Variants in SYNE2 observed in about 807,000 individuals in gnomAD.
SYNE2 encodes spectrin repeat containing nuclear envelope protein 2, also known as nesprin-2.
Under a neutral mutation model 856.3 loss-of-function variants are expected in SYNE2, and 431 were observed. That is an observed-to-expected ratio of 0.50 (90% CI 0.47 to 0.55). The LOEUF (loss-of-function observed/expected upper bound fraction) is 0.55, where lower values mean the gene tolerates loss of function less well. SYNE2 is among the 20% of genes least tolerant of loss of function. The pLI, the probability that SYNE2 is intolerant of heterozygous loss-of-function variation, is 0.00. For synonymous variants in SYNE2, 2,923 were observed against 2,872.3 expected (o/e 1.02, Z -0.56); for missense variants, 8,129 against 8,023.2 (o/e 1.01, Z -0.50).
At chr14:64,035,788 A>G (rs1445740961) in intron 45 of SYNE2, among the ~76,000 whole-genome samples, 2 of 151,710 alleles carry the variant, frequency 1.3e-5, no homozygotes, top group Admixed American at 1.3e-4. Flanking sequence ...TTGAGTTCCT[A>G]ACCCTAAGCC....
rs371649498 is a variant in SYNE2, at chr14:63,942,354, T to G, written c.408+211T>G. 3.5e-4 allele frequency among the ~76,000 whole-genome samples: 54 copies of G among 152,364 alleles called. No individual in the cohort carries two copies. In the East Asian group the frequency reaches 7.9e-3, roughly 22 times the overall value. On this transcript the variant is annotated intron_variant, in intron 6 of 115. Transcript: ENST00000555002. ...TTCTTTTTGAGATGGAGTCTCGCTC[T>G]GTCGGCCAGGCTGGAGTGCCGTGGC...
chr14:64,124,994 C>T, intron 70 of SYNE2, 85 bp from the exon 71 acceptor site: 1 of 1,554,852 alleles, frequency 6.4e-7, no homozygotes, highest in Non-Finnish European at 8.8e-7. Flanking sequence ...CAGAGCAAGA[C>T]TCCATCTCGA....
At chr14:63,964,602 G>A (rs367889772) in intron 10 of SYNE2, among the ~76,000 whole-genome samples, 11 of 151,932 alleles carry the variant, frequency 7.2e-5, no homozygotes, top group Non-Finnish European at 1.6e-4. Context: ...TTGGCTCACC[G>A]CAGCCGCCAC....
At chr14:64,195,520 A>G (rs1394773222) in intron 99 of SYNE2, among the ~76,000 whole-genome samples, 1 of 152,216 alleles carries the variant, frequency 6.6e-6, no homozygotes, top group Non-Finnish European at 1.5e-5. Flanking sequence ...CAGAAATATC[A>G]AATCCATAAA....
intron 6 of SYNE2, among the ~76,000 whole-genome samples, chr14:63,945,595 GTTTT>G (rs572922861): frequency 6.6e-6 from 1 of 151,996 alleles, no homozygotes. Flanking sequence ...TTTGCTGCCA[GTTTT>G]TTTATTTGTT....
intron 52 of SYNE2, among the ~76,000 whole-genome samples, chr14:64,071,312 G>T (rs2097405100): frequency 6.6e-6 from 1 of 151,838 alleles, no homozygotes; most frequent in African/African-American, 2.4e-5. Context: ...GGCTAACGTG[G>T]TGAAACCCCG....
intron 1 of SYNE2, among the ~76,000 whole-genome samples, chr14:63,812,051 C>T (rs139126923): frequency 0.06 from 9,179 of 152,092 alleles, 300 homozygotes; most frequent in Middle Eastern, 0.099. Flanking sequence ...AGCAGAGAAC[C>T]GGTCTGACCT....
intron 1 of SYNE2, among the ~76,000 whole-genome samples, chr14:63,771,297 C>A (rs1250720487): frequency 6.6e-6 from 1 of 151,814 alleles, no homozygotes; most frequent in Non-Finnish European, 1.5e-5. Flanking sequence ...GTCTCGATCT[C>A]TTGACCTCGT....
At chr14:64,190,567 C>T in intron 99 of SYNE2, 1 of 700,348 alleles carries the variant, frequency 1.4e-6, no homozygotes, top group South Asian at 1.5e-5. Flanking sequence ...TTGTGTGTCC[C>T]CACAGTGGAG....
At position 64,052,325 on chromosome 14, in the gene SYNE2, A is replaced by G. The variant is rs571432056; in HGVS notation, c.8412A>G (p.Leu2804=). ...TTACAACCTATGAGGGCAGTGATTT[A>G]AATAATACCCTAGAGGACTTACGGA... is the stretch of plus-strand genomic sequence containing the variant. ...PSLTTYEGSD[L]NNTLEDLRNQ... is the part of the protein sequence containing the mutation. The change falls in exon 48 of 116, where the codon TTA becomes TTG. Residue 2804 remains leucine, a synonymous_variant. Transcript: ENST00000555002. 7 of 1,614,222 alleles carry G rather than the reference A, an allele frequency of 4.3e-6. No individual in the cohort carries two copies. In the East Asian group the frequency reaches 1.6e-4, roughly 36 times the overall value.
In SYNE2 at chr14:64,202,955, G is replaced by A; in HGVS notation, c.18193G>A (p.Glu6065Lys). 2 of 1,614,142 alleles carry A rather than the reference G, an allele frequency of 1.2e-6. No individual in the cohort carries two copies. Among genetic ancestry groups the A allele is most frequent in the Non-Finnish European group, 1.7e-6 (2 of 1,180,028 alleles). The change falls in exon 100 of 116, where the codon GAG (glutamate) becomes AAG (lysine). Residue 6065 changes from glutamate (E) to lysine (K), a missense_variant. By Grantham distance (56) the Glu-to-Lys change is moderately conservative. Around this residue, in one of 3 missense-constraint regions of SYNE2, gnomAD observed 5,410 missense variants for 5,284.8 expected, o/e 1.02. Transcript: ENST00000555002. Reference sequence around the variant, plus strand: ...TCAAGAGATCCAGAAGAGGCTCGCTGAGCAGCAGGTGGGACAATCAGAAAT... The same window carrying A: ...TCAAGAGATCCAGAAGAGGCTCGCTAAGCAGCAGGTGGGACAATCAGAAAT... ...DDQEIQKRLA[E>K]QQDLQRDIEQ...
intron 45 of SYNE2, among the ~76,000 whole-genome samples, chr14:64,038,917 C>G (rs1595062169): frequency 1.3e-5 from 2 of 152,022 alleles, no homozygotes; most frequent in South Asian, 4.2e-4. Context: ...TGGGAGAGAG[C>G]GTGAGGAATT....
chr14:63,808,919 A>G (rs1277116458), intron 1 of SYNE2, among the ~76,000 whole-genome samples: 7 of 152,148 alleles, frequency 4.6e-5, no homozygotes, highest in Non-Finnish European at 7.3e-5. Flanking sequence ...GCTTCTCGGG[A>G]GGCTGAGGCA....
At chr14:64,082,582 T>C (rs924918998) in intron 57 of SYNE2, among the ~76,000 whole-genome samples, 4 of 152,146 alleles carry the variant, frequency 2.6e-5, no homozygotes, top group Non-Finnish European at 5.9e-5. Context: ...AACCCAGTCC[T>C]ACAGCTGAAT....
intron 64 of SYNE2, among the ~76,000 whole-genome samples, chr14:64,106,201 T>C (rs542685682): frequency 5.1e-4 from 74 of 145,092 alleles, no homozygotes; most frequent in African/African-American, 1.7e-3. Flanking sequence ...TAGCCAGTGG[T>C]TTAAATTAAT....
At chr14:64,035,624 C>T (rs940222346) in intron 45 of SYNE2, among the ~76,000 whole-genome samples, 7 of 148,110 alleles carry the variant, frequency 4.7e-5, no homozygotes, top group Non-Finnish European at 1.0e-4. Context: ...TCTAACGTAA[C>T]CCTTTTATTT....
intron 1 of SYNE2, among the ~76,000 whole-genome samples, chr14:63,815,043 CATAT>C (rs1174676727): frequency 1.6e-5 from 1 of 62,688 alleles, no homozygotes; most frequent in African/African-American, 5.3e-5. Context: ...TATACATCCA[CATAT>C]ATATATCCAT....
At position 63,846,299 on chromosome 14, in the gene SYNE2, C is replaced by T. The variant is rs573583782; in HGVS notation, c.-304-6202C>T. Among the ~76,000 whole-genome samples, 861 of 150,738 alleles carry T rather than the reference C, an allele frequency of 5.7e-3. 5 individuals carry two copies. Among genetic ancestry groups the T allele is most frequent in the African/African-American group, 0.019 (795 of 41,008 alleles). ...CTGGGCTCAAGCCATCTGCCTGCCTCGGCCTCCCAAAGTGCTAGGATTATA... is the reference window on the plus strand; with the variant it reads ...CTGGGCTCAAGCCATCTGCCTGCCTTGGCCTCCCAAAGTGCTAGGATTATA... On this transcript the variant is annotated intron_variant, in intron 1 of 23. Transcript: ENST00000674003.
chr14:64,152,118 A>C (rs1010254824), intron 84 of SYNE2, among the ~76,000 whole-genome samples: 4 of 152,234 alleles, frequency 2.6e-5, no homozygotes, highest in Non-Finnish European at 4.4e-5. Context: ...ACCAACAGTT[A>C]TATCGTCTGT....
Sources: allele counts gnomAD v4.1 joint callset (sites outside exome capture counted in the v4.1 genomes callset), GRCh38; gene constraint gnomAD v4.1.1; regional missense constraint gnomAD v4.1.1; transcripts MANE v1.5; gene names NCBI Gene and HGNC (gene_info 2026-07-23, HGNC 2026-07-21).